The following DNAH7 variants were observed in gnomAD, a reference collection of about 807,000 sequenced individuals.
DNAH7 encodes the protein axonemal beta dynein heavy chain 7.
A neutral mutation model predicts 444.6 loss-of-function variants in DNAH7; 397 were observed. That is an observed-to-expected ratio of 0.89 (90% CI 0.82 to 0.97). The LOEUF (loss-of-function observed/expected upper bound fraction) is 0.97, where lower values mean the gene tolerates loss of function less well. Among genes scored for constraint, DNAH7 ranks in the 50% least tolerant of loss-of-function variants. DNAH7 has a pLI of 0.00. For synonymous variants in DNAH7, 1,636 were observed against 1,624.4 expected, an observed-to-expected ratio of 1.01 and a Z score of -0.17; for missense variants, 4,902 against 4,800.8, an observed-to-expected ratio of 1.02 and a Z score of -0.62.
intron 19 of DNAH7, among the ~76,000 whole-genome samples, chr2:195,944,890 G>A (rs1382175822): frequency 6.6e-6 from 1 of 151,848 alleles, no homozygotes; most frequent in Non-Finnish European, 1.5e-5. Flanking sequence ...CACCTCCCTT[G>A]TACTTCAAAT....
intron 19 of DNAH7, among the ~76,000 whole-genome samples, chr2:195,937,229 T>A (rs1401177088): frequency 6.6e-6 from 1 of 152,190 alleles, no homozygotes; most frequent in Non-Finnish European, 1.5e-5. Flanking sequence ...ACAGAATCCC[T>A]GTTTTATAAC....
chr2:195,867,972 C>A (rs1182637924), intron 40 of DNAH7, among the ~76,000 whole-genome samples: 1 of 151,890 alleles, frequency 6.6e-6, no homozygotes, highest in Non-Finnish European at 1.5e-5. Context: ...CATATGGTAA[C>A]CCTATGTTTT....
intron 51 of DNAH7, among the ~76,000 whole-genome samples, chr2:195,814,820 G>A (rs915913981): frequency 2.6e-5 from 4 of 151,522 alleles, no homozygotes; most frequent in African/African-American, 2.4e-5. Context: ...GACTCACTGC[G>A]GCCTCAACCT....
Position 195,906,722 on chromosome 2 carries a change from AC to A in DNAH7, c.4271del (p.Cys1424LeufsTer5). 1.9e-6 allele frequency: 3 copies of A among 1,613,530 alleles called. No homozygotes were observed. Among genetic ancestry groups the A allele is most frequent in the Non-Finnish European group, 2.5e-6 (3 of 1,179,604 alleles). On this transcript the variant is annotated frameshift_variant, in exon 27 of 65. Coordinates refer to ENST00000312428, the MANE Select transcript of DNAH7 (RefSeq NM_018897.3). LOFTEE classifies it high-confidence loss of function. Reference sequence around the variant, plus strand: ...CAGGGTTCATTGTTATAAAGACAGCACATGTGGGGTCAAGTTTTAGTTCAGT... The same window carrying A: ...CAGGGTTCATTGTTATAAAGACAGCAATGTGGGGTCAAGTTTTAGTTCAGT... ...EGTELKLDPTCAVFITMNPGY... is the reference protein window; with the variant it reads ...EGTELKLDPTXAVFITMNPGY...
chr2:195,973,791 A>G (rs906361026), intron 15 of DNAH7, among the ~76,000 whole-genome samples: 2 of 152,110 alleles, frequency 1.3e-5, no homozygotes, highest in African/African-American at 4.8e-5. Context: ...TATTTTTAAG[A>G]AAATATTAAA....
intron 10 of DNAH7, among the ~76,000 whole-genome samples, chr2:196,003,270 A>G (rs1475779565): frequency 6.6e-6 from 1 of 152,150 alleles, no homozygotes; most frequent in African/African-American, 2.4e-5. Context: ...TTATCAGATC[A>G]TTTCAGTGTC....
At chr2:195,983,059 T>C (rs1451377314) in intron 15 of DNAH7, among the ~76,000 whole-genome samples, 3 of 152,190 alleles carry the variant, frequency 2.0e-5, no homozygotes, top group Non-Finnish European at 4.4e-5. Context: ...TATTACACAT[T>C]GTAAGCCTAC....
intron 63 of DNAH7, among the ~76,000 whole-genome samples, chr2:195,751,254 T>G (rs143750864): frequency 2.2e-4 from 34 of 152,350 alleles, no homozygotes; most frequent in African/African-American, 7.9e-4. Flanking sequence ...GTCCCAATGA[T>G]TCTTTATTCC....
chr2:195,746,366 C>T (rs1384781695), intron 63 of DNAH7, among the ~76,000 whole-genome samples: 1 of 152,134 alleles, frequency 6.6e-6, no homozygotes, highest in Non-Finnish European at 1.5e-5. Flanking sequence ...GAGTGACCTA[C>T]AAAGAGACTT....
chr2:196,055,071 G>C (rs552175038), intron 2 of DNAH7, among the ~76,000 whole-genome samples: 47 of 152,296 alleles, frequency 3.1e-4, no homozygotes, highest in African/African-American at 8.4e-4. Flanking sequence ...ATAAAATGGT[G>C]AGGCTGGGCA....
intron 12 of DNAH7, among the ~76,000 whole-genome samples, chr2:195,996,427 T>C (rs1693699978): frequency 7.3e-6 from 1 of 136,196 alleles, no homozygotes. Flanking sequence ...ACCAACTTAA[T>C]CTTTTTTTTT....
chr2:195,987,567 A>T (rs1436066638), intron 13 of DNAH7, among the ~76,000 whole-genome samples: 1 of 152,156 alleles, frequency 6.6e-6, no homozygotes, highest in Non-Finnish European at 1.5e-5. Context: ...AGGGGGACAG[A>T]AAAGAAAATT....
chr2:195,984,848 A>C, intron 14 of DNAH7, 138 bp from the exon 15 acceptor site: 3 of 751,742 alleles, frequency 4.0e-6, no homozygotes, highest in Non-Finnish European at 6.4e-6. Context: ...TAATAATTAA[A>C]AGCAAATTTG....
At chr2:195,749,574 A>C (rs1693652800) in intron 63 of DNAH7, among the ~76,000 whole-genome samples, 1 of 151,962 alleles carries the variant, frequency 6.6e-6, no homozygotes, top group African/African-American at 2.4e-5. Flanking sequence ...AAAGACTTGG[A>C]ACCAACCCAA....
At chr2:196,023,937 G>T (rs1414629022) in intron 8 of DNAH7, among the ~76,000 whole-genome samples, 1 of 152,190 alleles carries the variant, frequency 6.6e-6, no homozygotes, top group African/African-American at 2.4e-5. Context: ...ATGGGGGAGT[G>T]ACTGGTTGGT....
At chr2:195,805,372 G>A (rs982401330) in intron 54 of DNAH7, among the ~76,000 whole-genome samples, 1 of 152,018 alleles carries the variant, frequency 6.6e-6, no homozygotes, top group Non-Finnish European at 1.5e-5. Context: ...ATGTTTTAGA[G>A]GAGGAAGCCA....
chr2:195,958,308 T>C (rs1050951730), intron 18 of DNAH7, among the ~76,000 whole-genome samples: 2 of 152,206 alleles, frequency 1.3e-5, no homozygotes, highest in African/African-American at 2.4e-5. Context: ...TAATGAATAG[T>C]AAATATATTT....
At chr2:195,894,727 G>A in intron 30 of DNAH7, 1 of 261,770 alleles carries the variant, frequency 3.8e-6, no homozygotes, top group Non-Finnish European at 7.1e-6. Context: ...TTTTCTACAA[G>A]AGACATGTAT....
chr2:196,048,707 A>G (rs1454825197), intron 3 of DNAH7, among the ~76,000 whole-genome samples: 2 of 152,184 alleles, frequency 1.3e-5, no homozygotes, highest in East Asian at 1.9e-4. Context: ...TAAACCTTCT[A>G]TTTTAATGAG....
Sources: gnomAD v4.1 joint callset for allele counts (sites outside exome capture counted in the v4.1 genomes callset) on GRCh38, gnomAD v4.1.1 for gene constraint, MANE v1.5 for transcripts, NCBI Gene and HGNC (gene_info 2026-07-23, HGNC 2026-07-21) for gene names.